Variants in NEGR1 observed in about 807,000 individuals in gnomAD.
NEGR1 encodes neuronal growth regulator 1.
A neutral mutation model predicts 40.9 loss-of-function variants in NEGR1; 10 were observed. The ratio of observed to expected loss-of-function variants is 0.24; its 90% CI spans 0.15 to 0.42. The LOEUF is 0.42. Ranked by LOEUF, NEGR1 falls within the 10% of genes least tolerant of loss-of-function variation. NEGR1 has a pLI of 1.00. For missense variants in NEGR1, 352 were observed against 438.9 expected (o/e 0.80, Z 1.77); for synonymous variants, 185 against 166.8 (o/e 1.11, Z -0.84).
chr1:71,492,128 G>A (rs1646933979), intron 6 of NEGR1, among the ~76,000 whole-genome samples: 1 of 152,076 alleles, frequency 6.6e-6, no homozygotes, highest in Admixed American at 6.6e-5. Context: ...TATGAGAAAT[G>A]CATTTTTATT....
chr1:71,836,295 T>A lies in NEGR1; in HGVS notation c.410-59998A>T, dbSNP rs568010769. The stretch of plus-strand genomic sequence containing the variant: ...GGTGAAATCTGGTCTCTACTGAAAA[T>A]ACAAAAATTAGCTGGGAGTGGTCCC... On this transcript the variant is annotated intron_variant, in intron 2 of 6. Coordinates refer to ENST00000357731, the MANE Select transcript of NEGR1 (RefSeq NM_173808.3). Among the ~76,000 whole-genome samples, 132 of 151,386 alleles carry A rather than the reference T, an allele frequency of 8.7e-4. No individual in the cohort carries two copies. The Middle Eastern group carries it at 0.021, about 24-fold the overall frequency.
At chr1:71,601,968 A>C (rs918784603) in intron 5 of NEGR1, among the ~76,000 whole-genome samples, 3 of 152,084 alleles carry the variant, frequency 2.0e-5, no homozygotes, top group Non-Finnish European at 4.4e-5. Context: ...AAATAAATAA[A>C]TTAATTAAAT....
intron 1 of NEGR1, among the ~76,000 whole-genome samples, chr1:71,957,464 T>C (rs1646128731): frequency 1.3e-5 from 2 of 152,158 alleles, no homozygotes; most frequent in Admixed American, 6.6e-5. Context: ...CTTGGTATTT[T>C]TATGGATAAA....
intron 1 of NEGR1, among the ~76,000 whole-genome samples, chr1:72,206,134 T>C (rs1312010888): frequency 1.3e-5 from 2 of 151,784 alleles, no homozygotes; most frequent in African/African-American, 2.4e-5. Flanking sequence ...ATTAGAAATT[T>C]GGTTAAATAT....
chr1:72,125,489 T>C (rs1028407702), intron 1 of NEGR1, among the ~76,000 whole-genome samples: 4 of 152,044 alleles, frequency 2.6e-5, no homozygotes, highest in East Asian at 1.9e-4. Context: ...ATAAGCTATA[T>C]ACTGAATTGC....
intron 3 of NEGR1, among the ~76,000 whole-genome samples, chr1:71,744,121 G>T (rs78136747): frequency 0.016 from 2,484 of 152,028 alleles, 55 homozygotes; most frequent in African/African-American, 0.049. Flanking sequence ...GATGACATTT[G>T]ACCTTATTTA....
intron 3 of NEGR1, among the ~76,000 whole-genome samples, chr1:71,775,461 T>C (rs946828812): frequency 1.3e-5 from 2 of 151,342 alleles, no homozygotes; most frequent in African/African-American, 2.4e-5. Context: ...TTCTCCTGCC[T>C]CAGCCTCCCG....
At chr1:71,465,980 A>T (rs997776931) in intron 6 of NEGR1, among the ~76,000 whole-genome samples, 4 of 152,068 alleles carry the variant, frequency 2.6e-5, no homozygotes, top group Non-Finnish European at 5.9e-5. Context: ...TGAGCATTTT[A>T]TGTATTCTCT....
At chr1:71,994,996 G>GAAAAA (rs34098239) in intron 1 of NEGR1, among the ~76,000 whole-genome samples, 1 of 111,584 alleles carries the variant, frequency 9.0e-6, no homozygotes, top group Non-Finnish European at 1.8e-5. Flanking sequence ...AAATTTACAG[G>GAAAAA]AAAAAAAAAA....
chr1:71,778,665 A>G (rs1656597087), intron 2 of NEGR1, among the ~76,000 whole-genome samples: 1 of 152,116 alleles, frequency 6.6e-6, no homozygotes, highest in African/African-American at 2.4e-5. Flanking sequence ...TCGCCTAGCG[A>G]CTTTACTTAA....
At chr1:71,647,650 C>CA (rs1443567224) in intron 4 of NEGR1, among the ~76,000 whole-genome samples, 2 of 152,088 alleles carry the variant, frequency 1.3e-5, no homozygotes, top group East Asian at 3.9e-4. Context: ...GTTCATTTGT[C>CA]AGTTTCCTCA....
intron 6 of NEGR1, among the ~76,000 whole-genome samples, chr1:71,460,776 A>G (rs1006130761): frequency 6.6e-6 from 1 of 152,194 alleles, no homozygotes; most frequent in Non-Finnish European, 1.5e-5. Flanking sequence ...TGGAAGAAAT[A>G]TATATGGACA....
intron 1 of NEGR1, among the ~76,000 whole-genome samples, chr1:71,971,245 C>T (rs1646253879): frequency 6.6e-6 from 1 of 152,172 alleles, no homozygotes; most frequent in African/African-American, 2.4e-5. Flanking sequence ...TTTCTGATTT[C>T]TAGTCTCCAG....
At chr1:71,755,580 T>C (rs1655704972) in intron 3 of NEGR1, among the ~76,000 whole-genome samples, 1 of 152,180 alleles carries the variant, frequency 6.6e-6, no homozygotes, top group South Asian at 2.1e-4. Context: ...TCTCAGTTTG[T>C]CCCATGCCCA....
At chr1:71,757,751 T>C (rs1570306120) in intron 3 of NEGR1, among the ~76,000 whole-genome samples, 2 of 152,078 alleles carry the variant, frequency 1.3e-5, no homozygotes, top group East Asian at 3.9e-4. Context: ...CATTCTCCTC[T>C]TATACTGTTT....
At position 71,612,116 on chromosome 1, in the gene NEGR1, G is replaced by T. The variant is rs948457763; in HGVS notation, c.668-970C>A. 3.5e-4 allele frequency among the ~76,000 whole-genome samples: 53 copies of T among 152,294 alleles called. 1 individual carries two copies. The highest frequency in any genetic ancestry group is 1.2e-3 in the African/African-American group (49 of 41,562). Reference sequence around the variant, plus strand: ...GGGCACCTGTAGTCCCAGCTACTCGGGAGGCTGAGGCAGGAGAATGGCGTG... The same window carrying T: ...GGGCACCTGTAGTCCCAGCTACTCGTGAGGCTGAGGCAGGAGAATGGCGTG... On this transcript the variant is annotated intron_variant, in intron 4 of 6. Transcript: ENST00000357731.
intron 6 of NEGR1, among the ~76,000 whole-genome samples, chr1:71,534,216 T>C (rs1169751851): frequency 6.6e-6 from 1 of 151,730 alleles, no homozygotes; most frequent in Admixed American, 6.6e-5. Flanking sequence ...GGTTTTTCTC[T>C]GAAAAGGCAG....
intron 2 of NEGR1, among the ~76,000 whole-genome samples, chr1:71,828,600 T>C (rs879217539): frequency 1.3e-5 from 2 of 151,940 alleles, no homozygotes; most frequent in Admixed American, 1.3e-4. Flanking sequence ...AATTTCACTG[T>C]CTTTTCACTC....
intron 1 of NEGR1, among the ~76,000 whole-genome samples, chr1:72,111,879 C>T (rs936101162): frequency 7.9e-5 from 12 of 151,824 alleles, no homozygotes; most frequent in African/African-American, 2.9e-4. Flanking sequence ...CATGTACATA[C>T]ATCCTTGTCC....
Sources: allele counts gnomAD v4.1 joint callset (sites outside exome capture counted in the v4.1 genomes callset), GRCh38; gene constraint gnomAD v4.1.1; transcripts MANE v1.5; gene names NCBI Gene and HGNC (gene_info 2026-07-23, HGNC 2026-07-21).